CENPK: variants seen among roughly 807,000 people sequenced by gnomAD.
CENPK encodes the protein centromere protein K.
Under a neutral mutation model 40.9 loss-of-function variants are expected in CENPK, and 46 were observed. The observed-to-expected ratio is 1.13, with a 90% CI of 0.89 to 1.44. The LOEUF (loss-of-function observed/expected upper bound fraction) is 1.44. Among genes scored for constraint, CENPK ranks in the 40% most tolerant of loss-of-function variants. The probability of loss-of-function intolerance (pLI) is 0.00; values close to 1 mark genes in which losing one functional copy is unlikely to be tolerated. For synonymous variants in CENPK, 107 were observed against 104.4 expected (o/e 1.02, Z -0.15); for missense variants, 288 against 303.5 (o/e 0.95, Z 0.38).
chr5:65,527,235 T>G (rs894690750), intron 9 of CENPK, among the ~76,000 whole-genome samples: 4 of 152,000 alleles, frequency 2.6e-5, no homozygotes, highest in African/African-American at 9.7e-5. Flanking sequence ...GGTTTTAACC[T>G]AGGCAGAAAA....
intron 2 of CENPK, among the ~76,000 whole-genome samples, chr5:65,560,456 T>A (rs1157800491): frequency 6.6e-6 from 1 of 152,184 alleles, no homozygotes; most frequent in East Asian, 1.9e-4. Context: ...ATTTTTTGAC[T>A]AGCATGATGG....
At chr5:65,525,739 T>C (rs1298552862) in intron 9 of CENPK, among the ~76,000 whole-genome samples, 1 of 152,160 alleles carries the variant, frequency 6.6e-6, no homozygotes, top group Admixed American at 6.5e-5. Flanking sequence ...TAATCCAATA[T>C]GAATGGTTTC....
rs780355384 is a variant in CENPK at position 65,552,476 on chromosome 5, A to G, written c.168+17T>C. On this transcript the variant is annotated intron_variant, in intron 4 of 10. Coordinates refer to ENST00000396679, the MANE Select transcript of CENPK (RefSeq NM_022145.5). ...TTCCACTTACCTTGTATTTTTTAGG[A>G]AGAAAAAGATTCATACCTGAGCATT... 4.7e-6 allele frequency: 7 copies of G among 1,479,846 alleles called. No individual in the cohort carries two copies. The highest frequency in any genetic ancestry group is 6.4e-6 in the Non-Finnish European group (7 of 1,098,012). 91.7% of individuals were successfully genotyped at this position (1,479,846 alleles called of 1,614,324 possible).
chr5:65,534,180 T>C (rs1296222851), intron 6 of CENPK, among the ~76,000 whole-genome samples: 1 of 151,346 alleles, frequency 6.6e-6, no homozygotes, highest in Non-Finnish European at 1.5e-5. Flanking sequence ...TGCTGAAAAC[T>C]ACAAAACACT....
intron 5 of CENPK, among the ~76,000 whole-genome samples, chr5:65,544,038 A>T (rs770915692): frequency 6.6e-6 from 1 of 152,228 alleles, no homozygotes; most frequent in African/African-American, 2.4e-5. Flanking sequence ...CTCAAATAGT[A>T]GGCTACTGAA....
At chr5:65,558,740 G>A (rs1166793211) in intron 2 of CENPK, among the ~76,000 whole-genome samples, 1 of 152,152 alleles carries the variant, frequency 6.6e-6, no homozygotes, top group Non-Finnish European at 1.5e-5. Context: ...CACAGGTACA[G>A]ACAGGGACAA....
At chr5:65,510,837 G>C in the CENPK span, among the ~76,000 whole-genome samples, 1 of 151,850 alleles carries the variant, frequency 6.6e-6, no homozygotes, top group African/African-American at 2.4e-5. Flanking sequence ...ATGGAGTATT[G>C]GGTTATCATG....
chr5:65,520,250 G>A (rs1238019955), intron 10 of CENPK, among the ~76,000 whole-genome samples: 1 of 151,938 alleles, frequency 6.6e-6, no homozygotes, highest in East Asian at 1.9e-4. Context: ...CATGTAAAGT[G>A]TCTGCTGCTG....
chr5:65,508,022 A>T, the CENPK span, among the ~76,000 whole-genome samples: 4 of 152,174 alleles, frequency 2.6e-5, no homozygotes, highest in Non-Finnish European at 5.9e-5. Context: ...TGTCTTTCTA[A>T]TTACATCATA....
Position 65,518,209 on chromosome 5 carries a change from G to T in CENPK, c.*266C>A. On this transcript the variant is annotated 3_prime_UTR_variant, in exon 11 of 11. Coordinates refer to ENST00000396679, the MANE Select transcript of CENPK (RefSeq NM_022145.5). The stretch of plus-strand genomic sequence containing the variant: ...ACAAAGAATCCAAAGAATATTGCAT[G>T]AGGTAAGGTACATTAAATGTTTTAT... 1 of 245,934 alleles carries T rather than the reference G, an allele frequency of 4.1e-6. No individual in the cohort carries two copies. The highest frequency in any genetic ancestry group is 7.7e-6 in the Non-Finnish European group (1 of 130,402). 15.2% of individuals were successfully genotyped at this position (245,934 alleles called of 1,614,324 possible).
the CENPK span, among the ~76,000 whole-genome samples, chr5:65,501,406 T>C: frequency 2.6e-5 from 4 of 152,096 alleles, no homozygotes; most frequent in African/African-American, 9.7e-5. Context: ...CCCGAACTCC[T>C]GACCTCATAT....
At chr5:65,523,798 T>C (rs964933025) in intron 9 of CENPK, among the ~76,000 whole-genome samples, 1 of 152,234 alleles carries the variant, frequency 6.6e-6, no homozygotes, top group East Asian at 1.9e-4. Flanking sequence ...TATTCTTATG[T>C]TATTGGTTCA....
At chr5:65,551,269 A>C in intron 5 of CENPK, 1 of 338,080 alleles carries the variant, frequency 3.0e-6, no homozygotes. Flanking sequence ...AAAAAAAAAA[A>C]AAAGGAACAA....
the CENPK span, among the ~76,000 whole-genome samples, chr5:65,507,072 A>G: frequency 6.6e-5 from 10 of 152,178 alleles, no homozygotes; most frequent in African/African-American, 2.4e-4. Context: ...GCTCAATAAC[A>G]TTATCAGAAT....
chr5:65,505,788 T>C, the CENPK span, among the ~76,000 whole-genome samples: 1 of 152,260 alleles, frequency 6.6e-6, no homozygotes, highest in Non-Finnish European at 1.5e-5. Context: ...CCTATTCAGA[T>C]ATTACTTATT....
chr5:65,549,023 A>G (rs1749509699), intron 5 of CENPK, among the ~76,000 whole-genome samples: 1 of 152,178 alleles, frequency 6.6e-6, no homozygotes, highest in South Asian at 2.1e-4. Context: ...CAGAGGACTT[A>G]TGACAGCTAT....
intron 2 of CENPK, among the ~76,000 whole-genome samples, chr5:65,559,441 A>T (rs1171548229): frequency 6.6e-6 from 1 of 151,846 alleles, no homozygotes; most frequent in Non-Finnish European, 1.5e-5. Context: ...CATCCCGGCT[A>T]AAAGGGTGAA....
chr5:65,529,258 C>T (rs946363373), intron 6 of CENPK, 59 bp from the exon 7 acceptor site: 60 of 1,154,042 alleles, frequency 5.2e-5, no homozygotes, highest in African/African-American at 4.5e-4. Context: ...TATTTCTGAA[C>T]GATAGTCAAA....
At chr5:65,521,408 CTGAGTA>C (rs1319532793) in intron 10 of CENPK, 61 bp downstream of exon 10, 18 of 1,189,594 alleles carry the variant, frequency 1.5e-5, no homozygotes, top group African/African-American at 4.6e-5. Flanking sequence ...TTTTTCAAGT[CTGAGTA>C]TAATTGTTCA....
Sources: gnomAD v4.1 joint callset for allele counts (sites outside exome capture counted in the v4.1 genomes callset) on GRCh38, gnomAD v4.1.1 for gene constraint, MANE v1.5 for transcripts, NCBI Gene and HGNC (gene_info 2026-07-23, HGNC 2026-07-21) for gene names.